The following GRIK3 variants were observed in gnomAD, a reference collection of about 807,000 sequenced individuals.
GRIK3 encodes the protein glutamate receptor ionotropic, kainate 3.
A neutral mutation model predicts 102.5 loss-of-function variants in GRIK3; 29 were observed. The ratio of observed to expected loss-of-function variants is 0.28; its 90% CI spans 0.21 to 0.39. The LOEUF is 0.39. Ranked by LOEUF, GRIK3 falls within the 10% of genes least tolerant of loss-of-function variation. The probability of loss-of-function intolerance (pLI) is 1.00; values close to 1 mark genes in which losing one functional copy is unlikely to be tolerated. For synonymous variants in GRIK3, 511 were observed against 504.9 expected (o/e 1.01, Z -0.16); for missense variants, 908 against 1,252.4 (o/e 0.73, Z 4.15).
chr1:36,812,103 C>T (rs1289507949), intron 13 of GRIK3, among the ~76,000 whole-genome samples: 1 of 152,078 alleles, frequency 6.6e-6, no homozygotes, highest in African/African-American at 2.4e-5. Context: ...GCAGATGGGT[C>T]AGGAGAAGCT....
chr1:36,966,119 G>C (rs1423767611), intron 1 of GRIK3, among the ~76,000 whole-genome samples: 1 of 152,228 alleles, frequency 6.6e-6, no homozygotes, highest in Non-Finnish European at 1.5e-5. Flanking sequence ...GGACATGCTA[G>C]CCAGGAAAGG....
chr1:36,855,821 A>T (rs1387844013), intron 7 of GRIK3, among the ~76,000 whole-genome samples: 1 of 152,212 alleles, frequency 6.6e-6, no homozygotes, highest in Non-Finnish European at 1.5e-5. Context: ...ACAGAGGGCT[A>T]TTATCCTTCC....
rs2124178459 is a variant in GRIK3 at position 36,806,599 on chromosome 1, T to G, written c.2092-273A>C. Among the ~76,000 whole-genome samples, 1 of 152,336 alleles carries G rather than the reference T, an allele frequency of 6.6e-6. No individual in the cohort carries two copies. The highest frequency in any genetic ancestry group is 1.9e-4 in the East Asian group (1 of 5,186). On this transcript the variant is annotated intron_variant, in intron 13 of 15. Coordinates refer to ENST00000373091, the MANE Select transcript of GRIK3 (RefSeq NM_000831.4). This position sits in a 1 kb window ranked among gnomAD's most constrained non-coding sequence, Gnocchi z 4.0. ...CACAAGTGGTCTTCAAGCTGACTTT[T>G]TAAACATGGATTTTCTTTCTCTAAA...
intron 1 of GRIK3, among the ~76,000 whole-genome samples, chr1:36,957,399 G>A (rs79033463): frequency 8.0e-3 from 628 of 78,728 alleles, no homozygotes; most frequent in South Asian, 0.013. Flanking sequence ...CTGTGAATCT[G>A]TGCCCCGTGA....
Position 36,850,122 on chromosome 1 carries a change from C to G in GRIK3, c.1326+189G>C. Reference sequence around the variant, plus strand: ...TGAGACACAAAAACGCAGCGGCTTCCGCCCGTGGCAGCGAGCAGCGCTGCT... The same window carrying G: ...TGAGACACAAAAACGCAGCGGCTTCGGCCCGTGGCAGCGAGCAGCGCTGCT... On this transcript the variant is annotated intron_variant, in intron 9 of 15. Coordinates refer to ENST00000373091, the MANE Select transcript of GRIK3 (RefSeq NM_000831.4). The surrounding 1 kb of genome is among the most constrained non-coding windows in gnomAD (Gnocchi z 4.0). 1 of 576,252 alleles carries G rather than the reference C, an allele frequency of 1.7e-6. No individual in the cohort carries two copies. The highest frequency in any genetic ancestry group is 3.1e-6 in the Non-Finnish European group (1 of 323,156). 35.7% of individuals were successfully genotyped at this position (576,252 alleles called of 1,614,324 possible).
intron 1 of GRIK3, among the ~76,000 whole-genome samples, chr1:37,020,075 C>G (rs1368429706): frequency 6.6e-6 from 1 of 152,208 alleles, no homozygotes; most frequent in Non-Finnish European, 1.5e-5. Context: ...TTCACCTTCT[C>G]TGGTCCTTTG....
intron 1 of GRIK3, among the ~76,000 whole-genome samples, chr1:36,927,374 T>C (rs1641538657): frequency 6.6e-6 from 1 of 152,366 alleles, no homozygotes; most frequent in East Asian, 1.9e-4. Flanking sequence ...TGACATGCTG[T>C]TCACCACGAG....
chr1:36,839,465 T>C (rs1319771691), intron 10 of GRIK3, among the ~76,000 whole-genome samples: 1 of 152,064 alleles, frequency 6.6e-6, no homozygotes, highest in Non-Finnish European at 1.5e-5. Context: ...ATTCTCACTG[T>C]CAGGTTAGGA....
chr1:36,960,277 C>A (rs1570827149), intron 1 of GRIK3, among the ~76,000 whole-genome samples: 1 of 145,716 alleles, frequency 6.9e-6, no homozygotes, highest in African/African-American at 2.6e-5. Flanking sequence ...GACCCGTGAG[C>A]CTGTGACCCA....
chr1:36,975,288 G>GTTTTTTTTTTTTTTTTTTTTTTTTTTTT (rs61125066), intron 1 of GRIK3, among the ~76,000 whole-genome samples: 2 of 113,372 alleles, frequency 1.8e-5, no homozygotes, highest in African/African-American at 7.6e-5. Context: ...TCTAAAGTTG[G>GTTTTTTTTTTTTTTTTTTTTTTTTTTTT]TTTTTTTTTT....
intron 1 of GRIK3, among the ~76,000 whole-genome samples, chr1:36,901,797 G>C (rs1017321107): frequency 6.6e-6 from 1 of 152,206 alleles, no homozygotes; most frequent in Non-Finnish European, 1.5e-5. Context: ...GTTTACAGGT[G>C]ACATGATCCC....
rs563303322 is a variant in GRIK3 at position 36,969,136 on chromosome 1, C to T, written c.115+64858G>A. On this transcript the variant is annotated intron_variant, in intron 1 of 15. Coordinates refer to ENST00000373091, the MANE Select transcript of GRIK3 (RefSeq NM_000831.4). The stretch of plus-strand genomic sequence containing the variant: ...GCATCCTCCAGCTCATCCCCCAAGT[C>T]AAAACCTGAAGGTTACCATGCCAAG... 2.0e-5 allele frequency among the ~76,000 whole-genome samples: 3 copies of T among 152,318 alleles called. No individual in the cohort carries two copies. In the East Asian group the frequency reaches 5.8e-4, roughly 29 times the overall value.
At chr1:36,815,047 T>C (rs558823206) in intron 13 of GRIK3, among the ~76,000 whole-genome samples, 1 of 152,364 alleles carries the variant, frequency 6.6e-6, no homozygotes, top group African/African-American at 2.4e-5. Context: ...TATATGCTGC[T>C]ACATGCACAT....
intron 5 of GRIK3, 58 bp downstream of exon 5, chr1:36,869,690 G>T: frequency 1.5e-6 from 2 of 1,295,264 alleles, no homozygotes; most frequent in South Asian, 1.2e-5. Context: ...AAGCCACAAT[G>T]AACTTGATCC....
chr1:36,822,624 C>T (rs1642707578), intron 11 of GRIK3, among the ~76,000 whole-genome samples: 1 of 152,148 alleles, frequency 6.6e-6, no homozygotes, highest in South Asian at 2.1e-4. Flanking sequence ...ACTCTGTCTC[C>T]ACAGAGAAGG....
intron 1 of GRIK3, among the ~76,000 whole-genome samples, chr1:37,029,273 C>A (rs1430506344): frequency 6.6e-6 from 1 of 152,246 alleles, no homozygotes; most frequent in Non-Finnish European, 1.5e-5. Context: ...CTCTGGAGGA[C>A]AAGCGAGTGC....
intron 1 of GRIK3, among the ~76,000 whole-genome samples, chr1:36,957,463 A>G (rs12742067): frequency 0.68 from 29,712 of 43,416 alleles, 11,010 homozygotes; most frequent in African/African-American, 0.78. Flanking sequence ...CTGTGAGCCT[A>G]TGTGCTCTGT....
intron 1 of GRIK3, among the ~76,000 whole-genome samples, chr1:37,016,590 T>C (rs1642654716): frequency 6.6e-6 from 1 of 152,154 alleles, no homozygotes; most frequent in Non-Finnish European, 1.5e-5. Context: ...GTCTTTTGTT[T>C]ACTCCTGAAA....
intron 10 of GRIK3, among the ~76,000 whole-genome samples, chr1:36,829,696 C>T (rs1191179340): frequency 6.6e-6 from 1 of 152,174 alleles, no homozygotes. Context: ...GCTTCTCCTC[C>T]TCCCAGTGTC....
Sources: gnomAD v4.1 joint callset for allele counts (sites outside exome capture counted in the v4.1 genomes callset) on GRCh38, gnomAD v4.1.1 for gene constraint, Gnocchi (gnomAD v3.1) non-coding constraint, MANE v1.5 for transcripts, NCBI Gene and HGNC (gene_info 2026-07-23, HGNC 2026-07-21) for gene names.